The following ANKRD12 variants were observed in gnomAD, a reference collection of about 807,000 sequenced individuals.
ANKRD12 encodes the protein ankyrin repeat domain-containing protein 12.
Under a neutral mutation model 183.4 loss-of-function variants are expected in ANKRD12, and 85 were observed. The observed-to-expected ratio is 0.46, with a 90% CI of 0.39 to 0.56. The LOEUF (loss-of-function observed/expected upper bound fraction) is 0.56, where lower values mean the gene tolerates loss of function less well. ANKRD12 is among the 20% of genes least tolerant of loss of function. ANKRD12 has a pLI of 0.00. For missense variants in ANKRD12, 2,405 were observed against 2,357.1 expected (o/e 1.02, Z -0.42); for synonymous variants, 914 against 800.2 (o/e 1.14, Z -2.40).
intron 12 of ANKRD12, 36 bp from the exon 13 acceptor site, chr18:9,280,905 A>G: frequency 6.3e-7 from 1 of 1,582,118 alleles, no homozygotes; most frequent in Non-Finnish European, 8.6e-7. Flanking sequence ...CAAAGTTAAC[A>G]GAATAATCAA....
rs752030257 is a variant in ANKRD12 at position 9,221,956 on chromosome 18, A to G, written c.900A>G (p.Leu300=). 4.8e-5 allele frequency: 77 copies of G among 1,613,938 alleles called. No homozygotes were observed. The highest frequency in any genetic ancestry group is 6.4e-5 in the Non-Finnish European group (75 of 1,179,944). The change falls in exon 8 of 13, where the codon CTA becomes CTG. Residue 300 remains leucine, a synonymous_variant. Transcript: ENST00000262126. The part of the protein sequence containing the change: ...VAETEELELL[L]KREVPLSDDD... ...AAACAGAGGAGTTGGAGTTGCTACT[A>G]AAAAGAGAGGTGCCTTTATCTGATG...
chr18:9,167,589 G>A (rs1467010412), intron 1 of ANKRD12, among the ~76,000 whole-genome samples: 1 of 152,206 alleles, frequency 6.6e-6, no homozygotes, highest in Non-Finnish European at 1.5e-5. Context: ...CTTTGCTGAA[G>A]TTGCTTATCA....
At chr18:9,280,030 T>A (rs2040035628) in intron 12 of ANKRD12, among the ~76,000 whole-genome samples, 1 of 152,234 alleles carries the variant, frequency 6.6e-6, no homozygotes, top group East Asian at 1.9e-4. Flanking sequence ...GATTTTCATG[T>A]TTCTTTTGAT....
chr18:9,203,635 C>T (rs2035310487), intron 3 of ANKRD12, among the ~76,000 whole-genome samples: 2 of 151,970 alleles, frequency 1.3e-5, no homozygotes, highest in African/African-American at 4.8e-5. Flanking sequence ...TGCAGAGTCT[C>T]ACTCTGTCAC....
intron 8 of ANKRD12, among the ~76,000 whole-genome samples, chr18:9,247,405 G>A (rs2038024979): frequency 6.6e-6 from 1 of 152,064 alleles, no homozygotes; most frequent in Admixed American, 6.6e-5. Context: ...CATGAGCCCA[G>A]GAGCTCAAGG....
intron 1 of ANKRD12, among the ~76,000 whole-genome samples, chr18:9,179,879 GTTTGT>G (rs1567884521): frequency 6.6e-6 from 1 of 152,304 alleles, no homozygotes; most frequent in East Asian, 1.9e-4. Context: ...ATTTGTTAAA[GTTTGT>G]TTTATGACAC....
rs1405677077 is a variant in ANKRD12 at position 9,254,533 on chromosome 18, A to C, written c.1266A>C (p.Leu422Phe). The change falls in exon 9 of 13, where the codon TTA (leucine) becomes TTC (phenylalanine). Residue 422 changes from leucine to phenylalanine, a missense_variant. This residue lies in a region of ANKRD12 where 1,983 missense variants were observed against 1,725.9 expected (regional missense o/e 1.15). Transcript: ENST00000262126. ...KSKKQKPSRVLYSSTESSDEE... is the reference protein window; with the variant it reads ...KSKKQKPSRVFYSSTESSDEE... ...AAAAACAAAAGCCATCTAGGGTCTT[A>C]TATTCAAGTACTGAAAGTTCTGATG... is the stretch of plus-strand genomic sequence containing the variant. 2 of 1,552,934 alleles carry C rather than the reference A, an allele frequency of 1.3e-6. No homozygotes were observed. Among genetic ancestry groups the C allele is most frequent in the African/African-American group, 2.8e-5 (2 of 71,900 alleles).
In ANKRD12 at chr18:9,281,364, A is replaced by T; in HGVS notation, c.*238A>T. 1 of 340,516 alleles carries T rather than the reference A, an allele frequency of 2.9e-6. No homozygotes were observed. The highest frequency in any genetic ancestry group is 5.2e-6 in the Non-Finnish European group (1 of 191,296). 21.1% of individuals were successfully genotyped at this position (340,516 alleles called of 1,614,324 possible). Reference sequence around the variant, plus strand: ...TTATATTGGGAAAGGTAACTATTGCATTAGAGCATGTTGGCAGACTGGTAG... The same window carrying T: ...TTATATTGGGAAAGGTAACTATTGCTTTAGAGCATGTTGGCAGACTGGTAG... On this transcript the variant is annotated 3_prime_UTR_variant, in exon 13 of 13. Transcript: ENST00000262126.
chr18:9,177,493 G>A (rs1311900625), intron 1 of ANKRD12, among the ~76,000 whole-genome samples: 1 of 151,980 alleles, frequency 6.6e-6, no homozygotes, highest in Non-Finnish European at 1.5e-5. Flanking sequence ...CTGATGTTTT[G>A]TTCTGTGCAT....
intron 2 of ANKRD12, among the ~76,000 whole-genome samples, chr18:9,183,192 A>G (rs1453692913): frequency 6.6e-6 from 1 of 152,196 alleles, no homozygotes; most frequent in Non-Finnish European, 1.5e-5. Context: ...GTAAGTTTTC[A>G]AACTGTATTC....
chr18:9,193,083 T>G (rs1254955064), intron 2 of ANKRD12, among the ~76,000 whole-genome samples: 2 of 152,066 alleles, frequency 1.3e-5, no homozygotes, highest in African/African-American at 4.8e-5. Flanking sequence ...CCAAGGAAAT[T>G]ACCCATTTTT....
At chr18:9,194,466 C>T (rs545584059) in intron 2 of ANKRD12, among the ~76,000 whole-genome samples, 55 of 152,160 alleles carry the variant, frequency 3.6e-4, no homozygotes, top group African/African-American at 1.3e-3. Flanking sequence ...AAGTGATTCT[C>T]CTGCCTCAGC....
intron 8 of ANKRD12, among the ~76,000 whole-genome samples, chr18:9,227,291 ACTT>A (rs903239550): frequency 6.6e-6 from 1 of 152,162 alleles, no homozygotes; most frequent in Non-Finnish European, 1.5e-5. Flanking sequence ...TATTTCTCTA[ACTT>A]CTTGTGAGTG....
intron 2 of ANKRD12, among the ~76,000 whole-genome samples, chr18:9,186,397 A>G (rs1256198895): frequency 1.3e-5 from 2 of 152,126 alleles, no homozygotes; most frequent in African/African-American, 4.8e-5. Context: ...ACATAAAGGG[A>G]TGTATTTATT....
chr18:9,185,620 A>G (rs1028271810), intron 2 of ANKRD12, among the ~76,000 whole-genome samples: 2 of 152,242 alleles, frequency 1.3e-5, no homozygotes, highest in Non-Finnish European at 2.9e-5. Flanking sequence ...GGAAATAAAT[A>G]TATGAGGATA....
At chr18:9,163,249 T>C (rs2031655232) in intron 1 of ANKRD12, among the ~76,000 whole-genome samples, 1 of 152,170 alleles carries the variant, frequency 6.6e-6, no homozygotes, top group Admixed American at 6.5e-5. Flanking sequence ...CAGTTTCAAT[T>C]TTTTTGCATA....
intron 8 of ANKRD12, chr18:9,249,766 T>G (rs930291604): frequency 3.3e-5 from 5 of 152,226 alleles, no homozygotes; most frequent in African/African-American, 1.2e-4. Flanking sequence ...ATTCCTGAAC[T>G]GCTCCTCTCC....
chr18:9,230,649 T>G (rs2036986398), intron 8 of ANKRD12, among the ~76,000 whole-genome samples: 1 of 149,744 alleles, frequency 6.7e-6, no homozygotes, highest in South Asian at 2.1e-4. Context: ...GTGTTTCTAC[T>G]TTCTTCTTTT....
intron 2 of ANKRD12, among the ~76,000 whole-genome samples, chr18:9,183,743 G>A (rs1360442975): frequency 2.6e-5 from 4 of 151,140 alleles, no homozygotes; most frequent in African/African-American, 7.3e-5. Context: ...TTTTTTCCCC[G>A]ATTACACTGG....
Sources: allele counts gnomAD v4.1 joint callset (sites outside exome capture counted in the v4.1 genomes callset), GRCh38; gene constraint gnomAD v4.1.1; regional missense constraint gnomAD v4.1.1; transcripts MANE v1.5; gene names NCBI Gene and HGNC (gene_info 2026-07-23, HGNC 2026-07-21).